IWS1: variants seen among roughly 807,000 people sequenced by gnomAD.
IWS1 encodes the protein interacts with SUPT6H, CTD assembly factor 1.
In IWS1, 27 loss-of-function variants were observed where a neutral mutation model predicts 86.7. The observed-to-expected ratio is 0.31, with a 90% CI of 0.23 to 0.43. The LOEUF (loss-of-function observed/expected upper bound fraction) is 0.43. Ranked by LOEUF, IWS1 falls within the 20% of genes least tolerant of loss-of-function variation. IWS1 has a pLI of 1.00. For missense variants in IWS1, 827 were observed against 1,000.8 expected, an observed-to-expected ratio of 0.83 and a Z score of 2.34; for synonymous variants, 313 against 335.1, an observed-to-expected ratio of 0.93 and a Z score of 0.72.
intron 2 of IWS1, among the ~76,000 whole-genome samples, chr2:127,509,645 T>C (rs1479814302): frequency 2.1e-5 from 3 of 143,622 alleles, no homozygotes; most frequent in Non-Finnish European, 3.0e-5. Flanking sequence ...GAAGCGGAGG[T>C]TGCAGTGAGC....
chr2:127,491,728 G>C (rs1690237684), intron 10 of IWS1, among the ~76,000 whole-genome samples: 2 of 152,108 alleles, frequency 1.3e-5, no homozygotes. Context: ...CAGGCGTTAA[G>C]CCACCACACC....
At chr2:127,501,342 T>C (rs1050053271) in intron 5 of IWS1, among the ~76,000 whole-genome samples, 38 of 152,222 alleles carry the variant, frequency 2.5e-4, no homozygotes, top group Non-Finnish European at 2.6e-4. Flanking sequence ...GTATTTTTTT[T>C]CCCTTGTGGC....
chr2:127,502,746 G>A (rs1690886008), intron 5 of IWS1, 69 bp downstream of exon 5: 2 of 755,726 alleles, frequency 2.6e-6, no homozygotes, highest in African/African-American at 3.5e-5. Flanking sequence ...CATCTATAAT[G>A]GTATCACTGC....
At chr2:127,504,420 A>C (rs534264687) in intron 3 of IWS1, among the ~76,000 whole-genome samples, 21 of 152,274 alleles carry the variant, frequency 1.4e-4, no homozygotes, top group East Asian at 9.6e-4. Context: ...AAAAAAAAAA[A>C]ACAGTATTTT....
chr2:127,515,320 C>G (rs1691711843), intron 2 of IWS1, among the ~76,000 whole-genome samples: 1 of 152,184 alleles, frequency 6.6e-6, no homozygotes, highest in Non-Finnish European at 1.5e-5. Context: ...TGTTAATATA[C>G]AGGCATGCCC....
chr2:127,518,849 CGTCA>C (rs1691925591), intron 2 of IWS1, among the ~76,000 whole-genome samples: 1 of 151,996 alleles, frequency 6.6e-6, no homozygotes, highest in Admixed American at 6.6e-5. Context: ...GGATTACAGG[CGTCA>C]GTCACCGCAC....
In IWS1 at chr2:127,496,040, G is replaced by A. The variant is rs751585140; in HGVS notation, c.1674C>T (p.Asp558=). 17 of 1,613,542 alleles carry A rather than the reference G, an allele frequency of 1.1e-5. No homozygotes were observed. Among genetic ancestry groups the A allele is most frequent in the East Asian group, 2.2e-5 (1 of 44,848 alleles). The change falls in exon 7 of 14, where the codon GAC becomes GAT. Residue 558 remains aspartate, a synonymous_variant. Transcript: ENST00000295321. ...TCTTGACGATCATGGCACTCACGAC[G>A]TCGTCTGCATCACTAATAAAGGTGC... ...DGGTFISDAD[D]VVSAMIVKMN... is the part of the protein sequence containing the mutation.
intron 2 of IWS1, among the ~76,000 whole-genome samples, chr2:127,521,052 G>A (rs895548696): frequency 6.6e-6 from 1 of 152,228 alleles, no homozygotes; most frequent in African/African-American, 2.4e-5. Flanking sequence ...AAGGTCAGGA[G>A]TTTGAGACCA....
chr2:127,524,451 A>G lies in IWS1; in HGVS notation c.35-660T>C, dbSNP rs189682122. On this transcript the variant is annotated intron_variant, in intron 1 of 13. Coordinates refer to ENST00000295321, the MANE Select transcript of IWS1 (RefSeq NM_017969.3). ...AGCAATCCTCCTGCCTTTGCCTCCT[A>G]AAGTGCTGGGATTACACCCAGCCCC... Among the ~76,000 whole-genome samples, 47 of 151,120 alleles carry G rather than the reference A, an allele frequency of 3.1e-4. No individual in the cohort carries two copies. In the East Asian group the frequency reaches 9.1e-3, roughly 29 times the overall value.
At chr2:127,526,133 C>G in intron 1 of IWS1, 42 bp downstream of exon 1, 1 of 1,566,614 alleles carries the variant, frequency 6.4e-7, no homozygotes, top group African/African-American at 1.4e-5. Flanking sequence ...CGCCGAGTAA[C>G]TGCTCCGCCT....
At chr2:127,493,160 C>A in intron 9 of IWS1, 121 bp downstream of exon 9, 1 of 887,320 alleles carries the variant, frequency 1.1e-6, no homozygotes, top group Non-Finnish European at 1.6e-6. Context: ...TTTTTTCCAA[C>A]CCCTCTTCTG....
chr2:127,525,761 C>G (rs770820519), intron 1 of IWS1, among the ~76,000 whole-genome samples: 1 of 152,204 alleles, frequency 6.6e-6, no homozygotes, highest in Non-Finnish European at 1.5e-5. Flanking sequence ...CCTGCACTTA[C>G]GTCCGGTGTT....
chr2:127,487,510 G>A (rs965030177), intron 12 of IWS1, among the ~76,000 whole-genome samples: 3 of 152,128 alleles, frequency 2.0e-5, no homozygotes, highest in Admixed American at 1.3e-4. Flanking sequence ...GGGGAGAGAA[G>A]GGTAAAAAAT....
Position 127,490,750 on chromosome 2 carries a change from C to A in IWS1, c.2048-807G>T, listed in dbSNP as rs376371408. 19 of 151,872 alleles carry A rather than the reference C, an allele frequency of 1.3e-4. No individual in the cohort carries two copies. The South Asian group carries it at 3.9e-3, about 31-fold the overall frequency. 9.4% of individuals were successfully genotyped at this position (151,872 alleles called of 1,614,324 possible). On this transcript the variant is annotated intron_variant, in intron 10 of 13. Coordinates refer to ENST00000295321, the MANE Select transcript of IWS1 (RefSeq NM_017969.3). ...ATATTCTGCTTTTCTCAGTCTAGGG[C>A]AAAAAAATAAAGTTGCAAACTACTG...
At chr2:127,517,589 G>A (rs1453665065) in intron 2 of IWS1, among the ~76,000 whole-genome samples, 1 of 152,188 alleles carries the variant, frequency 6.6e-6, no homozygotes, top group African/African-American at 2.4e-5. Flanking sequence ...GCCGACAAGA[G>A]TATGGAGAAA....
Position 127,486,671 on chromosome 2 carries a change from A to C in IWS1, c.2217-7T>G. On this transcript the variant is annotated splice_polypyrimidine_tract_variant and splice_region_variant and intron_variant, in intron 12 of 13. Coordinates refer to ENST00000295321, the MANE Select transcript of IWS1 (RefSeq NM_017969.3). ...ATCTCCAGGTCTAAGAGCCCTGAAA[A>C]AGGGAAGAGGAAGAGCATGCTTCTT... 6.2e-7 allele frequency: 1 copy of C among 1,608,822 alleles called. No homozygotes were observed. Among genetic ancestry groups the C allele is most frequent in the Non-Finnish European group, 8.5e-7 (1 of 1,175,236 alleles).
intron 2 of IWS1, chr2:127,506,823 A>G (rs943446101): frequency 6.1e-6 from 1 of 164,730 alleles, no homozygotes; most frequent in Non-Finnish European, 1.5e-5. Flanking sequence ...GCCCTGGGGT[A>G]CAAACTTGAT....
chr2:127,509,543 C>T (rs1035604055), intron 2 of IWS1, among the ~76,000 whole-genome samples: 7 of 151,622 alleles, frequency 4.6e-5, no homozygotes, highest in Non-Finnish European at 8.8e-5. Context: ...CCTGTCTCTA[C>T]GAAAAATGCA....
intron 10 of IWS1, 95 bp downstream of exon 10, chr2:127,491,876 A>G: frequency 1.3e-6 from 1 of 782,176 alleles, no homozygotes; most frequent in South Asian, 1.6e-5. Flanking sequence ...GACTCGTTTA[A>G]AACAAATACT....
Sources: allele counts gnomAD v4.1 joint callset (sites outside exome capture counted in the v4.1 genomes callset), GRCh38; gene constraint gnomAD v4.1.1; transcripts MANE v1.5; gene names NCBI Gene and HGNC (gene_info 2026-07-23, HGNC 2026-07-21).